The following FUT5 variants were observed in gnomAD, a reference collection of about 807,000 sequenced individuals.
FUT5 encodes the protein fucosyltransferase 5.
A neutral mutation model predicts 0.8 loss-of-function variants in FUT5; 1 was observed. The ratio of observed to expected loss-of-function variants is 1.26; its 90% CI spans 0.45 to 5.99. FUT5 has a LOEUF of 5.99. Among genes scored for constraint, FUT5 ranks in the 30% most tolerant of loss-of-function variants. The pLI is 0.15. For synonymous variants in FUT5, 212 were observed against 225.7 expected (o/e 0.94, Z 0.54); for missense variants, 437 against 517.8 (o/e 0.84, Z 1.51).
intron 1 of FUT5, among the ~76,000 whole-genome samples, chr19:5,869,243 T>A (rs1391439738): frequency 6.7e-6 from 1 of 149,866 alleles, no homozygotes; most frequent in Non-Finnish European, 1.5e-5. Context: ...CCTCCCAAAG[T>A]GCTGGGATTA....
rs375231882 is a variant in FUT5 at position 5,867,307 on chromosome 19, G to A, written c.419C>T (p.Pro140Leu). The change falls in exon 2 of 2, where the codon CCG becomes CTG. Residue 140 changes from proline (P) to leucine (L), a missense_variant. By Grantham distance (98) the Pro-to-Leu change is moderately conservative (BLOSUM62 -3). This residue lies in a region of FUT5 where 261 missense variants were observed against 242.6 expected (regional missense o/e 1.08). Coordinates refer to ENST00000588525, the MANE Select transcript of FUT5 (RefSeq NM_002034.2). This position sits in a 1 kb window ranked among gnomAD's most constrained non-coding sequence, Gnocchi z 5.0. The part of the protein sequence containing the change: ...PSANLPPPTR[P>L]QGQRWIWFSM... ...GAACCAGATCCAGCGCTGCCCCTGC[G>A]GCCTGGTGGGGGGCGGGAGGTTGGC... is the stretch of plus-strand genomic sequence containing the variant. The A allele has an allele frequency of 3.4e-5, 55 of 1,613,506 alleles. No homozygotes were observed. The highest frequency in any genetic ancestry group is 1.3e-4 in the South Asian group (12 of 91,090).
intron 1 of FUT5, among the ~76,000 whole-genome samples, chr19:5,869,820 G>A (rs1057202671): frequency 3.3e-5 from 5 of 152,098 alleles, no homozygotes; most frequent in East Asian, 1.9e-4. Flanking sequence ...GGTGCCTCAC[G>A]TCTGTAATAC....
rs373534405 is a variant in FUT5, at chr19:5,867,366, G to A, written c.360C>T (p.Ile120=). ...SSVYPQADAV[I]VHHWDIMYNP... Reference sequence around the variant, plus strand: ...TGTACATGATATCCCAGTGGTGCACGATGACCGCGTCTGCCTGTGGGTACA... The same window carrying A: ...TGTACATGATATCCCAGTGGTGCACAATGACCGCGTCTGCCTGTGGGTACA... The change falls in exon 2 of 2, where the codon ATC becomes ATT. Residue 120 remains isoleucine, a synonymous_variant. Coordinates refer to ENST00000588525, the MANE Select transcript of FUT5 (RefSeq NM_002034.2). This position sits in a 1 kb window ranked among gnomAD's most constrained non-coding sequence, Gnocchi z 5.0. The A allele has an allele frequency of 1.9e-6, 3 of 1,613,828 alleles. No homozygotes were observed. The highest frequency in any genetic ancestry group is 1.1e-5 in the South Asian group (1 of 91,090).
In FUT5 at chr19:5,867,234, T is replaced by A. The variant is rs758628294; in HGVS notation, c.492A>T (p.Gly164=). Residue 164 remains glycine, a synonymous_variant, in exon 2 of 2, where the codon GGA becomes GGT. Coordinates refer to ENST00000588525, the MANE Select transcript of FUT5 (RefSeq NM_002034.2). The surrounding 1 kb of genome is among the most constrained non-coding windows in gnomAD (Gnocchi z 5.0). ...SNCRHLEALD[G]YFNLTMSYRS... ...GGTAGGACATGGTGAGATTGAAGTA[T>A]CCGTCCAGGGCTTCCAGGTGCCGGC... 1.7e-5 allele frequency: 27 copies of A among 1,613,076 alleles called. No homozygotes were observed. Among genetic ancestry groups the A allele is most frequent in the Middle Eastern group, 3.3e-4 (2 of 6,084 alleles).
chr19:5,870,076 A>AG (rs2057518013), intron 1 of FUT5, among the ~76,000 whole-genome samples: 1 of 151,404 alleles, frequency 6.6e-6, no homozygotes, highest in Non-Finnish European at 1.5e-5. Context: ...CAAAAAAAAA[A>AG]AAAAAAAAAA....
chr19:5,869,502 C>T (rs951339787), intron 1 of FUT5, among the ~76,000 whole-genome samples: 4 of 147,536 alleles, frequency 2.7e-5, no homozygotes, highest in African/African-American at 1.0e-4. Context: ...CCACCTGCCT[C>T]GGCCTCCCAA....
rs201760120 is a variant in FUT5, at chr19:5,867,306, C to T, written c.420G>A (p.Pro140=). 7.7e-5 allele frequency: 125 copies of T among 1,613,588 alleles called. No homozygotes were observed. Among genetic ancestry groups the T allele is most frequent in the Non-Finnish European group, 9.8e-5 (116 of 1,180,026 alleles). ...TGAACCAGATCCAGCGCTGCCCCTG[C>T]GGCCTGGTGGGGGGCGGGAGGTTGG... is the stretch of plus-strand genomic sequence containing the variant. The part of the protein sequence containing the change: ...PSANLPPPTR[P]QGQRWIWFSM... The change falls in exon 2 of 2, where the codon CCG becomes CCA. Residue 140 remains proline, a synonymous_variant. Transcript: ENST00000588525. This position sits in a 1 kb window ranked among gnomAD's most constrained non-coding sequence, Gnocchi z 5.0.
At position 5,866,498 on chromosome 19, in the gene FUT5, CAGCCGAGGCCCCAGGT is replaced by C. The variant is rs893843322; in HGVS notation, c.*87_*102del. The C allele has an allele frequency of 1.9e-4, 280 of 1,497,410 alleles. No homozygotes were observed. The African/African-American group carries it at 3.4e-3, about 18-fold the overall frequency. 92.8% of individuals were successfully genotyped at this position (1,497,410 alleles called of 1,614,324 possible). A position where few individuals can be genotyped will look rare whatever the true frequency, so the allele number is the denominator to read the frequency against. ...GACCCCAGGCAGCCGAGGCCCCAGG[CAGCCGAGGCCCCAGGT>C]AGGTAAATCCCCCGACTAGTGAGAC... On this transcript the variant is annotated 3_prime_UTR_variant, in exon 2 of 2. Transcript: ENST00000588525. The surrounding 1 kb of genome is among the most constrained non-coding windows in gnomAD (Gnocchi z 4.9).
chr19:5,868,575 C>G (rs999781850), intron 1 of FUT5, among the ~76,000 whole-genome samples: 1 of 152,178 alleles, frequency 6.6e-6, no homozygotes, highest in Non-Finnish European at 1.5e-5. Flanking sequence ...GGGCTCATGC[C>G]TGTAATCCCA....
In FUT5 at chr19:5,866,674, C is replaced by T. The variant is rs1599679568; in HGVS notation, c.1052G>A (p.Cys351Tyr). The T allele has an allele frequency of 1.2e-6, 2 of 1,612,808 alleles. No individual in the cohort carries two copies. Among genetic ancestry groups the T allele is most frequent in the Non-Finnish European group, 1.7e-6 (2 of 1,179,964 alleles). ...CTGCTGCAGCTTCCAGCAGGCCTTGCAGAAAGCCAGTGCCCAGCTGAAGGA... is the reference window on the plus strand; with the variant it reads ...CTGCTGCAGCTTCCAGCAGGCCTTGTAGAAAGCCAGTGCCCAGCTGAAGGA... Reference protein sequence around the residue: ...PRSFSWALAFCKACWKLQQES... With the variant: ...PRSFSWALAFYKACWKLQQES... Residue 351 changes from cysteine to tyrosine, a missense_variant, in exon 2 of 2, where the codon TGC (cysteine) becomes TAC (tyrosine). Cys to Tyr is a radical substitution (Grantham distance 194, BLOSUM62 -2). Transcript: ENST00000588525. This position sits in a 1 kb window ranked among gnomAD's most constrained non-coding sequence, Gnocchi z 4.9.
At chr19:5,868,762 C>T (rs891109600) in intron 1 of FUT5, among the ~76,000 whole-genome samples, 4 of 152,066 alleles carry the variant, frequency 2.6e-5, no homozygotes, top group Non-Finnish European at 5.9e-5. Context: ...TTGAAATGAG[C>T]GGAGATCACA....
At chr19:5,868,176 G>T (rs1222704523) in intron 1 of FUT5, among the ~76,000 whole-genome samples, 1 of 152,134 alleles carries the variant, frequency 6.6e-6, no homozygotes, top group Non-Finnish European at 1.5e-5. Context: ...TGAGGCTGGG[G>T]AGAGGTGGGG....
In FUT5 at chr19:5,866,588, C is replaced by T. The variant is rs145203525; in HGVS notation, c.*13G>A. On this transcript the variant is annotated 3_prime_UTR_variant, in exon 2 of 2. Coordinates refer to ENST00000588525, the MANE Select transcript of FUT5 (RefSeq NM_002034.2). This position sits in a 1 kb window ranked among gnomAD's most constrained non-coding sequence, Gnocchi z 4.9. ...AAGTGAGGTCCCGGCAGCCCAGGCCCCATGCCGGCCTCTCAGGTGAACCAA... is the reference window on the plus strand; with the variant it reads ...AAGTGAGGTCCCGGCAGCCCAGGCCTCATGCCGGCCTCTCAGGTGAACCAA... 9.1e-4 allele frequency: 1,471 copies of T among 1,613,098 alleles called. 8 individuals are homozygous for T. In the African/African-American group the frequency reaches 0.014, roughly 15 times the overall value.
rs1425514717 is a variant in FUT5 at position 5,867,015 on chromosome 19, G to A, written c.711C>T (p.Arg237=). ...TCCCCTTGGGCAGGGGCTTGTGGGA[G>A]CGTCCGTACACGTCCACCTTGAGAT... ...QAHLKVDVYG[R]SHKPLPKGTM... The change falls in exon 2 of 2, where the codon CGC becomes CGT. Residue 237 remains arginine, a synonymous_variant. Transcript: ENST00000588525. This position sits in a 1 kb window ranked among gnomAD's most constrained non-coding sequence, Gnocchi z 5.0. 1.2e-6 allele frequency: 2 copies of A among 1,613,686 alleles called. No homozygotes were observed. Among genetic ancestry groups the A allele is most frequent in the Non-Finnish European group, 1.7e-6 (2 of 1,179,840 alleles).
rs1013451294 is a variant in FUT5 at position 5,866,273 on chromosome 19, G to C, written c.*328C>G. Reference sequence around the variant, plus strand: ...AGGTCTCTGGGAGCAGGTCCCAGCAGGTAAAGTCCCCAACAGCCGAGATCC... The same window carrying C: ...AGGTCTCTGGGAGCAGGTCCCAGCACGTAAAGTCCCCAACAGCCGAGATCC... On this transcript the variant is annotated 3_prime_UTR_variant, in exon 2 of 2. Coordinates refer to ENST00000588525, the MANE Select transcript of FUT5 (RefSeq NM_002034.2). The surrounding 1 kb of genome is among the most constrained non-coding windows in gnomAD (Gnocchi z 4.9). The C allele has an allele frequency of 1.0e-5, 5 of 477,930 alleles. No individual in the cohort carries two copies. The highest frequency in any genetic ancestry group is 1.9e-5 in the Non-Finnish European group (5 of 261,546). 29.6% of individuals were successfully genotyped at this position (477,930 alleles called of 1,614,324 possible).
rs2057507931 is a variant in FUT5 at position 5,867,268 on chromosome 19, G to A, written c.458C>T (p.Pro153Leu). ...GGCTTCCAGGTGCCGGCAGTTGCTG[G>A]GGGACTCCATGCTGAACCAGATCCA... ...QRWIWFSMESPSNCRHLEALD... is the reference protein window; with the variant it reads ...QRWIWFSMESLSNCRHLEALD... Residue 153 changes from proline (P) to leucine (L), a missense_variant, in exon 2 of 2, where the codon CCC (proline) becomes CTC (leucine). Physicochemically the swap from Pro to Leu is moderately conservative, Grantham distance 98 (BLOSUM62 -3). Transcript: ENST00000588525. This position sits in a 1 kb window ranked among gnomAD's most constrained non-coding sequence, Gnocchi z 5.0. The A allele has an allele frequency of 6.2e-7, 1 of 1,613,428 alleles. No homozygotes were observed.
At position 5,867,033 on chromosome 19, in the gene FUT5, C is replaced by T; in HGVS notation, c.693G>A (p.Lys231=). 6.2e-7 allele frequency: 1 copy of T among 1,613,620 alleles called. No homozygotes were observed. The highest frequency in any genetic ancestry group is 8.5e-7 in the Non-Finnish European group (1 of 1,179,826). ...RYYQSLQAHL[K]VDVYGRSHKP... The stretch of plus-strand genomic sequence containing the variant: ...TGTGGGAGCGTCCGTACACGTCCAC[C>T]TTGAGATGAGCCTGCAGGCTCTGGT... Residue 231 remains lysine, a synonymous_variant, in exon 2 of 2, where the codon AAG becomes AAA. Transcript: ENST00000588525. This position sits in a 1 kb window ranked among gnomAD's most constrained non-coding sequence, Gnocchi z 5.0.
chr19:5,867,657 C>G lies in FUT5; in HGVS notation c.69G>C (p.Gln23His). The stretch of plus-strand genomic sequence containing the variant: ...AGAAGAAACACACAGCCACCAGCAG[C>G]TGAAACAGCAGCCCGGCCAGACAGC... Reference protein sequence around the residue: ...WRRCLAGLLFQLLVAVCFFSY... With the variant: ...WRRCLAGLLFHLLVAVCFFSY... Residue 23 changes from glutamine to histidine, a missense_variant, in exon 2 of 2, where the codon CAG (glutamine) becomes CAC (histidine). Transcript: ENST00000588525. The surrounding 1 kb of genome is among the most constrained non-coding windows in gnomAD (Gnocchi z 5.0). 6.2e-7 allele frequency: 1 copy of G among 1,613,388 alleles called. No individual in the cohort carries two copies. The highest frequency in any genetic ancestry group is 2.2e-5 in the East Asian group (1 of 44,870).
At chr19:5,869,657 G>A (rs1000746825) in intron 1 of FUT5, among the ~76,000 whole-genome samples, 2 of 152,130 alleles carry the variant, frequency 1.3e-5, no homozygotes, top group Admixed American at 6.6e-5. Flanking sequence ...TGCTTATGGT[G>A]TCAAATTTCC....
Sources: gnomAD v4.1 joint callset for allele counts (sites outside exome capture counted in the v4.1 genomes callset) on GRCh38, gnomAD v4.1.1 for gene constraint, gnomAD v4.1.1 regional missense constraint, Gnocchi (gnomAD v3.1) non-coding constraint, MANE v1.5 for transcripts, NCBI Gene and HGNC (gene_info 2026-07-23, HGNC 2026-07-21) for gene names.